The following SLC8A1 variants were observed in gnomAD, a reference collection of about 807,000 sequenced individuals.
The protein encoded by SLC8A1 is sodium/calcium exchanger 1.
SLC8A1 carries 18 observed loss-of-function variants against 68.3 expected under a neutral mutation model. That is an observed-to-expected ratio of 0.26 (90% CI 0.18 to 0.39). The LOEUF is 0.39. Among genes scored for constraint, SLC8A1 ranks in the 10% least tolerant of loss-of-function variants. The pLI, the probability that SLC8A1 is intolerant of heterozygous loss-of-function variation, is 1.00. For missense variants in SLC8A1, 985 were observed against 1,156.7 expected (o/e 0.85, Z 2.15); for synonymous variants, 475 against 415.5 (o/e 1.14, Z -1.74).
intron 2 of SLC8A1, among the ~76,000 whole-genome samples, chr2:40,331,989 G>A (rs747537571): frequency 6.6e-6 from 1 of 151,752 alleles, no homozygotes; most frequent in Non-Finnish European, 1.5e-5. Flanking sequence ...AGCTATGATC[G>A]CACTGTCTGG....
At chr2:40,159,256 A>C (rs577430927) in intron 6 of SLC8A1, among the ~76,000 whole-genome samples, 1 of 152,236 alleles carries the variant, frequency 6.6e-6, no homozygotes, top group Non-Finnish European at 1.5e-5. Context: ...TGTATCCTCC[A>C]TTAGACTGTA....
chr2:40,230,053 C>T (rs1029220889), intron 2 of SLC8A1, among the ~76,000 whole-genome samples: 1 of 152,146 alleles, frequency 6.6e-6, no homozygotes, highest in African/African-American at 2.4e-5. Context: ...TGATTGGTTA[C>T]AAGTTCCAGA....
At chr2:40,402,393 G>T (rs1186651255) in intron 2 of SLC8A1, among the ~76,000 whole-genome samples, 1 of 152,194 alleles carries the variant, frequency 6.6e-6, no homozygotes. Context: ...AGAAGTAACT[G>T]TAAGTATAAT....
chr2:40,401,567 CAAAAAAAA>C (rs3060361), intron 2 of SLC8A1, among the ~76,000 whole-genome samples: 5 of 94,092 alleles, frequency 5.3e-5, no homozygotes, highest in Admixed American at 1.3e-4. Context: ...ATAGGCCAGT[CAAAAAAAA>C]AAAAAAAAAA....
At chr2:40,410,630 A>G (rs1047532754) in intron 2 of SLC8A1, among the ~76,000 whole-genome samples, 1 of 152,128 alleles carries the variant, frequency 6.6e-6, no homozygotes, top group African/African-American at 2.4e-5. Context: ...ATTTTGAAGT[A>G]TATGTACACT....
intron 2 of SLC8A1, among the ~76,000 whole-genome samples, chr2:40,318,415 A>T: frequency 6.6e-6 from 1 of 152,016 alleles, no homozygotes; most frequent in Non-Finnish European, 1.5e-5. Flanking sequence ...GATCATACTA[A>T]ATCACTTCAA....
At chr2:40,502,123 A>G (rs1706094696) in intron 1 of SLC8A1, among the ~76,000 whole-genome samples, 1 of 152,110 alleles carries the variant, frequency 6.6e-6, no homozygotes, top group Non-Finnish European at 1.5e-5. Context: ...AGAAAAGCAA[A>G]CAAAGTGAAT....
At chr2:40,450,382 G>A (rs1034964928) in intron 1 of SLC8A1, among the ~76,000 whole-genome samples, 1 of 152,028 alleles carries the variant, frequency 6.6e-6, no homozygotes, top group South Asian at 2.1e-4. Context: ...ACGCGCGCGC[G>A]CTGGTGGGGG....
At chr2:40,177,658 C>T (rs2148559280) in intron 3 of SLC8A1, 1 of 764,806 alleles carries the variant, frequency 1.3e-6, no homozygotes, top group South Asian at 1.6e-5. Flanking sequence ...TACTTGGAAG[C>T]CGAGGAAGAG....
intron 2 of SLC8A1, among the ~76,000 whole-genome samples, chr2:40,399,993 G>T (rs539510776): frequency 1.1e-4 from 16 of 152,320 alleles, no homozygotes; most frequent in Middle Eastern, 6.8e-3. Flanking sequence ...ACATTGTATA[G>T]AAAAGCACTG....
intron 4 of SLC8A1, among the ~76,000 whole-genome samples, chr2:40,167,824 G>A (rs1032597754): frequency 6.6e-6 from 1 of 152,078 alleles, no homozygotes; most frequent in African/African-American, 2.4e-5. Flanking sequence ...TATAGACCAT[G>A]GACATTTTCA....
exon 6 of SLC8A1, chr2:40,160,786 C>G: frequency 1.2e-6 from 2 of 1,613,194 alleles, no homozygotes; most frequent in Non-Finnish European, 1.7e-6. Context: ...GTGATAGCTT[C>G]AATGAACTGT....
At chr2:40,466,237 G>A (rs889381559) in intron 1 of SLC8A1, among the ~76,000 whole-genome samples, 6 of 152,112 alleles carry the variant, frequency 3.9e-5, no homozygotes, top group Non-Finnish European at 8.8e-5. Context: ...GGCAGGGGTT[G>A]GGAAAGAAAT....
At chr2:40,333,495 G>A (rs1398013669) in intron 2 of SLC8A1, among the ~76,000 whole-genome samples, 2 of 149,278 alleles carry the variant, frequency 1.3e-5, no homozygotes, top group African/African-American at 2.5e-5. Context: ...TTATTCCCAA[G>A]CTAGCATAAG....
intron 7 of SLC8A1, among the ~76,000 whole-genome samples, chr2:40,136,820 AG>A (rs987219756): frequency 5.9e-5 from 9 of 152,164 alleles, no homozygotes; most frequent in Middle Eastern, 3.2e-3. Context: ...TTCAATTTTC[AG>A]TTTTTGGAAA....
At position 40,440,440 on chromosome 2, in the gene SLC8A1, A is replaced by G. The variant is rs528359852; in HGVS notation, c.-24-10136T>C. On this transcript the variant is annotated intron_variant, in intron 1 of 7. Coordinates refer to ENST00000406785, the Ensembl canonical transcript of SLC8A1. ...TGAAGCCTTTGCTAATGCAACAATT[A>G]TTTTCATCAATATCAATGATTAATA... Among the ~76,000 whole-genome samples, 49 of 152,298 alleles carry G rather than the reference A, an allele frequency of 3.2e-4. 1 individual carries two copies. In the South Asian group the frequency reaches 8.1e-3, roughly 25 times the overall value.
chr2:40,238,304 G>C (rs564393420), intron 2 of SLC8A1, among the ~76,000 whole-genome samples: 1 of 152,198 alleles, frequency 6.6e-6, no homozygotes, highest in African/African-American at 2.4e-5. Context: ...ATATAATCTC[G>C]TGGTGGGCCG....
intron 1 of SLC8A1, among the ~76,000 whole-genome samples, chr2:40,471,367 G>A (rs1263564066): frequency 6.6e-6 from 1 of 151,882 alleles, no homozygotes; most frequent in African/African-American, 2.4e-5. Context: ...TACCTGACAA[G>A]CCTGTGTGAC....
chr2:40,465,108 C>T (rs893696985), intron 1 of SLC8A1, among the ~76,000 whole-genome samples: 7 of 152,080 alleles, frequency 4.6e-5, no homozygotes, highest in Non-Finnish European at 8.8e-5. Flanking sequence ...TGTACCACTC[C>T]CTCGGGGGCA....
Sources: gnomAD v4.1 joint callset for allele counts (sites outside exome capture counted in the v4.1 genomes callset) on GRCh38, gnomAD v4.1.1 for gene constraint, MANE v1.5 for transcripts, NCBI Gene and HGNC (gene_info 2026-07-23, HGNC 2026-07-21) for gene names.